Variants in ACOT11 observed in about 807,000 individuals in gnomAD.
The protein encoded by ACOT11 is acyl-CoA thioesterase 11.
Under a neutral mutation model 77.5 loss-of-function variants are expected in ACOT11, and 69 were observed. The observed-to-expected ratio is 0.89, with a 90% CI of 0.73 to 1.09. ACOT11 has a LOEUF of 1.09. Among genes scored for constraint, ACOT11 ranks in the 50% least tolerant of loss-of-function variants. The pLI is 0.00. For synonymous variants in ACOT11, 279 were observed against 313.0 expected, an observed-to-expected ratio of 0.89 and a Z score of 1.15; for missense variants, 766 against 813.7, an observed-to-expected ratio of 0.94 and a Z score of 0.71.
exon 17 of ACOT11, chr1:54,636,408 G>C (rs1488356898): frequency 6.6e-6 from 1 of 152,246 alleles, no homozygotes; most frequent in Non-Finnish European, 1.5e-5. Context: ...ATTAAGTGCT[G>C]TGCTTTAGAT....
intron 1 of ACOT11, among the ~76,000 whole-genome samples, chr1:54,549,862 G>C (rs571289098): frequency 6.6e-6 from 1 of 152,182 alleles, no homozygotes; most frequent in Admixed American, 6.5e-5. Flanking sequence ...GGGGCTCCTC[G>C]TATCTTCTCT....
At chr1:54,557,506 T>C (rs193149634) in intron 1 of ACOT11, among the ~76,000 whole-genome samples, 35 of 152,040 alleles carry the variant, frequency 2.3e-4, no homozygotes, top group South Asian at 4.2e-4. Context: ...TTTCAAACTA[T>C]TGGGCTCAAG....
chr1:54,582,451 A>G (rs1654344703), intron 1 of ACOT11: 1 of 985,290 alleles, frequency 1.0e-6, no homozygotes, highest in African/African-American at 1.7e-5. Context: ...GTACAGAGGA[A>G]GTGTTTGGTG....
chr1:54,606,784 A>G (rs1291925336), intron 13 of ACOT11, among the ~76,000 whole-genome samples: 1 of 152,244 alleles, frequency 6.6e-6, no homozygotes, highest in Admixed American at 6.5e-5. Context: ...ACCTGCGCAG[A>G]CATGTATAGA....
In ACOT11 at chr1:54,604,329, C is replaced by T. The variant is rs369221942; in HGVS notation, c.1153-17C>T. The T allele has an allele frequency of 1.2e-5, 20 of 1,612,284 alleles. No individual in the cohort carries two copies. In the African/African-American group the frequency reaches 2.3e-4, roughly 18 times the overall value. Reference sequence around the variant, plus strand: ...GGAAGGGGGTGGGGTAGTGGTAGCACCTGTGTACTCTTTCAGGTGTACCTG... The same window carrying T: ...GGAAGGGGGTGGGGTAGTGGTAGCATCTGTGTACTCTTTCAGGTGTACCTG... On this transcript the variant is annotated splice_polypyrimidine_tract_variant and intron_variant, in intron 11 of 15. Transcript: ENST00000343744.
chr1:54,569,764 C>A (rs1431313909), intron 1 of ACOT11, among the ~76,000 whole-genome samples: 1 of 152,222 alleles, frequency 6.6e-6, no homozygotes, highest in African/African-American at 2.4e-5. Flanking sequence ...ATGCATACAA[C>A]TTAAAAAAGT....
At chr1:54,562,322 C>T (rs1490293422) in intron 1 of ACOT11, among the ~76,000 whole-genome samples, 1 of 106,214 alleles carries the variant, frequency 9.4e-6, no homozygotes, top group Non-Finnish European at 2.0e-5. Context: ...GGGGGCTGAC[C>T]CCCCCATCTC....
At chr1:54,562,280 C>T (rs1381675878) in intron 1 of ACOT11, among the ~76,000 whole-genome samples, 1 of 122,752 alleles carries the variant, frequency 8.1e-6, no homozygotes, top group Non-Finnish European at 1.7e-5. Flanking sequence ...GACCCCCCAC[C>T]TCCCTCCCGG....
intron 1 of ACOT11, among the ~76,000 whole-genome samples, chr1:54,571,765 G>T (rs572548603): frequency 1.5e-4 from 23 of 152,356 alleles, no homozygotes; most frequent in African/African-American, 5.5e-4. Flanking sequence ...AAGGTGGGAA[G>T]AAGAGAGCCA....
At position 54,592,545 on chromosome 1, in the gene ACOT11, G is replaced by T. The variant is rs990525336; in HGVS notation, c.312-1G>T. The T allele has an allele frequency of 6.2e-7, 1 of 1,612,682 alleles. No individual in the cohort carries two copies. The highest frequency in any genetic ancestry group is 8.5e-7 in the Non-Finnish European group (1 of 1,179,360). On this transcript the variant is annotated splice_acceptor_variant, in intron 3 of 15. Transcript: ENST00000343744. LOFTEE classifies it high-confidence loss of function. ...CTCACCTCCTACTTTCCTCTCCCCA[G>T]TGTTGGACAAGTGGTGAATATCAAG...
rs114503910 is a variant in ACOT11, at chr1:54,587,200, G to A, written c.311+1296G>A. Among the ~76,000 whole-genome samples the A allele has an allele frequency of 7.6e-4, 115 of 152,192 alleles. 3 individuals are homozygous for A. The highest frequency in any genetic ancestry group is 2.7e-3 in the African/African-American group (112 of 41,538). ...CAGATGTAGGAACGTCATTCAATTC[G>A]CAGTGAGAAGTTCTGTGCAATAATG... On this transcript the variant is annotated intron_variant, in intron 3 of 15. Transcript: ENST00000343744.
intron 12 of ACOT11, 37 bp downstream of exon 12, chr1:54,604,466 C>T (rs1644001720): frequency 6.3e-7 from 1 of 1,598,356 alleles, no homozygotes; most frequent in Non-Finnish European, 8.6e-7. Context: ...CCTTTCTCAT[C>T]TGAGCCAGAG....
Position 54,609,872 on chromosome 1 carries a change from ACAATGGGCACGGGG to A in ACOT11, c.*761_*774del. 6.2e-7 allele frequency: 1 copy of A among 1,613,716 alleles called. No homozygotes were observed. The highest frequency in any genetic ancestry group is 8.5e-7 in the Non-Finnish European group (1 of 1,180,022). ...CAGGATGTTGCCACTTGGAGTATGA[ACAATGGGCACGGGG>A]TTTTCAGCCACAGTTCCCTCGAGGC... is the stretch of plus-strand genomic sequence containing the variant. On this transcript the variant is annotated 3_prime_UTR_variant, in exon 16 of 16. Transcript: ENST00000343744.
chr1:54,612,074 G>A (rs1474464630), downstream of ACOT11, among the ~76,000 whole-genome samples: 2 of 150,480 alleles, frequency 1.3e-5, no homozygotes, highest in East Asian at 4.0e-4. Flanking sequence ...TCAAGAGGGG[G>A]AGGGGGCAGC....
intron 1 of ACOT11, among the ~76,000 whole-genome samples, chr1:54,562,628 G>T (rs1653573955): frequency 6.9e-6 from 1 of 145,162 alleles, no homozygotes; most frequent in South Asian, 2.2e-4. Flanking sequence ...CTGCCGGGCG[G>T]AGGGGCTCCT....
rs926376933 is a variant in ACOT11, at chr1:54,592,824, G to C, written c.372+218G>C. On this transcript the variant is annotated intron_variant, in intron 4 of 15. Transcript: ENST00000343744. ...GGAAAATCGAGGCCCAGGAGGGGAA[G>C]GGACTTGCCCCAGGTCACTGAGCTA... 2.0e-5 allele frequency among the ~76,000 whole-genome samples: 3 copies of C among 152,336 alleles called. No homozygotes were observed. The East Asian group carries it at 5.8e-4, about 29-fold the overall frequency.
chr1:54,615,861 C>T (rs1644167381), intron 15 of ACOT11, among the ~76,000 whole-genome samples: 3 of 152,210 alleles, frequency 2.0e-5, no homozygotes, highest in Admixed American at 2.0e-4. Context: ...TCGCCTAGTC[C>T]TCACTGAGCC....
chr1:54,569,158 T>A (rs1653847952), intron 1 of ACOT11, among the ~76,000 whole-genome samples: 1 of 151,224 alleles, frequency 6.6e-6, no homozygotes, highest in Non-Finnish European at 1.5e-5. Context: ...GATGGGATCT[T>A]GCTCTCTTGC....
chr1:54,549,322 G>A (rs1464738614), intron 1 of ACOT11, among the ~76,000 whole-genome samples: 1 of 152,144 alleles, frequency 6.6e-6, no homozygotes, highest in Non-Finnish European at 1.5e-5. Flanking sequence ...TTGGCACTCT[G>A]GCTCCTGCCC....
Sources: allele counts gnomAD v4.1 joint callset (sites outside exome capture counted in the v4.1 genomes callset), GRCh38; gene constraint gnomAD v4.1.1; transcripts MANE v1.5; gene names NCBI Gene and HGNC (gene_info 2026-07-23, HGNC 2026-07-21).